Variants in SPTAN1 observed in about 807,000 individuals in gnomAD.
SPTAN1 encodes the protein spectrin alpha chain, non-erythrocytic 1.
SPTAN1 carries 61 observed loss-of-function variants against 331.3 expected under a neutral mutation model. The observed-to-expected ratio is 0.18, with a 90% CI of 0.15 to 0.23. The LOEUF (loss-of-function observed/expected upper bound fraction) is 0.23, where lower values mean the gene tolerates loss of function less well. SPTAN1 is among the 10% of genes least tolerant of loss of function. The probability of loss-of-function intolerance (pLI) is 1.00; values close to 1 mark genes in which losing one functional copy is unlikely to be tolerated. For synonymous variants in SPTAN1, 1,153 were observed against 1,173.9 expected (o/e 0.98, Z 0.36); for missense variants, 2,043 against 3,147.9 (o/e 0.65, Z 8.40).
In SPTAN1 at chr9:128,584,702, G is replaced by A. The variant is rs760955571; in HGVS notation, c.2438-19G>A. On this transcript the variant is annotated intron_variant, in intron 17 of 56. Coordinates refer to ENST00000372739, the MANE Select transcript of SPTAN1 (RefSeq NM_001130438.3). Reference sequence around the variant, plus strand: ...TTCTCTTCATGGTTGGATAACTGGGGACTGGTGTCTGCTTTCAGGTAAGGA... The same window carrying A: ...TTCTCTTCATGGTTGGATAACTGGGAACTGGTGTCTGCTTTCAGGTAAGGA... 6.2e-7 allele frequency: 1 copy of A among 1,614,178 alleles called. No homozygotes were observed. The highest frequency in any genetic ancestry group is 8.5e-7 in the Non-Finnish European group (1 of 1,180,032).
chr9:128,633,237 G>A lies in SPTAN1; in HGVS notation c.7337G>A (p.Cys2446Tyr). 6.2e-7 allele frequency: 1 copy of A among 1,614,054 alleles called. No individual in the cohort carries two copies. The highest frequency in any genetic ancestry group is 8.5e-7 in the Non-Finnish European group (1 of 1,180,028). Residue 2446 changes from cysteine (C) to tyrosine (Y), a missense_variant, in exon 57 of 57, where the codon TGC becomes TAC. Transcript: ENST00000372739. The part of the protein sequence containing the change: ...QNLTREQADY[C>Y]VSHMKPYVDG... The stretch of plus-strand genomic sequence containing the variant: ...CTGACCCGGGAACAAGCCGACTACT[G>A]CGTCTCCCACATGAAGCCCTACGTG...
intron 41 of SPTAN1, among the ~76,000 whole-genome samples, chr9:128,616,628 G>A (rs1857197905): frequency 1.3e-5 from 2 of 151,394 alleles, no homozygotes; most frequent in South Asian, 4.2e-4. Context: ...TTAGCCAGGT[G>A]TGGTAGCAGG....
chr9:128,631,226 G>T (rs574181722), intron 52 of SPTAN1, among the ~76,000 whole-genome samples: 1 of 150,030 alleles, frequency 6.7e-6, no homozygotes, highest in African/African-American at 2.4e-5. Flanking sequence ...GGGAAGCCGA[G>T]GCGGGTGGAT....
intron 1 of SPTAN1, among the ~76,000 whole-genome samples, chr9:128,556,805 CCT>C (rs1273722010): frequency 6.6e-6 from 1 of 152,172 alleles, no homozygotes; most frequent in African/African-American, 2.4e-5. Context: ...GTATTATTGA[CCT>C]CTCTGCTTAC....
chr9:128,563,036 T>C (rs985675052), intron 1 of SPTAN1, among the ~76,000 whole-genome samples: 2 of 141,992 alleles, frequency 1.4e-5, no homozygotes, highest in Non-Finnish European at 3.0e-5. Flanking sequence ...ATGTATATAT[T>C]TTATTACAAA....
intron 5 of SPTAN1, among the ~76,000 whole-genome samples, chr9:128,575,901 A>G (rs1340696155): frequency 6.6e-6 from 1 of 152,198 alleles, no homozygotes; most frequent in East Asian, 1.9e-4. Flanking sequence ...AAAGACATCA[A>G]GTACTCGGAA....
chr9:128,615,518 A>G lies in SPTAN1; in HGVS notation c.5149-114A>G, dbSNP rs181989946. 1.1e-5 allele frequency: 12 copies of G among 1,050,572 alleles called. No homozygotes were observed. In the East Asian group the frequency reaches 3.0e-4, roughly 26 times the overall value. The allele number at this position is 1,050,572 out of a possible 1,614,324, so 65.1% of individuals were successfully genotyped here. A position where few individuals can be genotyped will look rare whatever the true frequency, so the allele number is the denominator to read the frequency against. ...ATAGAATGCCAGAGGTCCACATAAC[A>G]GACTTTGAGAATATCAACACTCCAC... On this transcript the variant is annotated intron_variant, in intron 40 of 56. Coordinates refer to ENST00000372739, the MANE Select transcript of SPTAN1 (RefSeq NM_001130438.3).
intron 41 of SPTAN1, among the ~76,000 whole-genome samples, chr9:128,616,959 T>A (rs1167194512): frequency 7.9e-5 from 12 of 151,880 alleles, no homozygotes; most frequent in Non-Finnish European, 1.5e-4. Context: ...CTTATATAGC[T>A]GGGTGTGGTG....
rs912270263 is a variant in SPTAN1 at position 128,559,061 on chromosome 9, G to A, written c.-4+6365G>A. On this transcript the variant is annotated intron_variant, in intron 1 of 56. Transcript: ENST00000372739. ...TGCACAAATGAAAATTCTGAATGCT[G>A]ACTGCAGTGGGAGCACATTGGTGAC... 2.0e-5 allele frequency among the ~76,000 whole-genome samples: 3 copies of A among 152,086 alleles called. No individual in the cohort carries two copies. In the East Asian group the frequency reaches 5.8e-4, roughly 29 times the overall value.
chr9:128,587,046 C>G (rs1237589185), intron 19 of SPTAN1, among the ~76,000 whole-genome samples: 1 of 152,134 alleles, frequency 6.6e-6, no homozygotes, highest in African/African-American at 2.4e-5. Flanking sequence ...GTCTTGAACT[C>G]CTGACCTCAA....
Position 128,627,584 on chromosome 9 carries a change from G to A in SPTAN1, c.6689+86G>A, listed in dbSNP as rs754705047. ...AGCTTCCAGCCCCAAGGAGGTGGTGGTGCTTTGTGTAAAACCAGAGGCAGC... is the reference window on the plus strand; with the variant it reads ...AGCTTCCAGCCCCAAGGAGGTGGTGATGCTTTGTGTAAAACCAGAGGCAGC... On this transcript the variant is annotated intron_variant, in intron 50 of 56. Transcript: ENST00000372739. The surrounding 1 kb of genome is among the most constrained non-coding windows in gnomAD (Gnocchi z 4.9). 1.8e-5 allele frequency: 23 copies of A among 1,287,314 alleles called. No homozygotes were observed. The highest frequency in any genetic ancestry group is 2.5e-5 in the Non-Finnish European group (23 of 907,216). 79.7% of individuals were successfully genotyped at this position (1,287,314 alleles called of 1,614,324 possible).
In SPTAN1 at chr9:128,587,588, G is replaced by T; in HGVS notation, c.2779-18G>T. On this transcript the variant is annotated intron_variant, in intron 19 of 56. Coordinates refer to ENST00000372739, the MANE Select transcript of SPTAN1 (RefSeq NM_001130438.3). The stretch of plus-strand genomic sequence containing the variant: ...CTTCAGCCCCTGCACAGTGCTCCAT[G>T]TGTGGTTTTGGTTTCAGGCTCTACT... The T allele has an allele frequency of 6.2e-7, 1 of 1,611,860 alleles. No individual in the cohort carries two copies. The highest frequency in any genetic ancestry group is 2.2e-5 in the East Asian group (1 of 44,870).
intron 24 of SPTAN1, chr9:128,596,085 C>G (rs112132867): frequency 0.023 from 3,489 of 152,362 alleles, 133 homozygotes; most frequent in African/African-American, 0.08. Flanking sequence ...CTCAGGCCGT[C>G]TGCCCAGCTT....
At chr9:128,571,359 C>T (rs1009234669) in intron 3 of SPTAN1, among the ~76,000 whole-genome samples, 21 of 150,598 alleles carry the variant, frequency 1.4e-4, no homozygotes, top group Non-Finnish European at 2.9e-5. Flanking sequence ...CTGAGATGGG[C>T]GGATCATCTG....
intron 24 of SPTAN1, among the ~76,000 whole-genome samples, chr9:128,595,216 T>G (rs2131376965): frequency 6.6e-6 from 1 of 152,202 alleles, no homozygotes. Context: ...CTCAAGTGAT[T>G]CTCATGCCTC....
intron 23 of SPTAN1, 105 bp downstream of exon 23, chr9:128,593,147 G>T: frequency 7.8e-7 from 1 of 1,275,314 alleles, no homozygotes; most frequent in South Asian, 1.3e-5. Context: ...GAAAGATGAG[G>T]TGGTGGGAGG....
rs750819513 is a variant in SPTAN1 at position 128,627,937 on chromosome 9, C to T, written c.6702C>T (p.Leu2234=). The T allele has an allele frequency of 6.8e-6, 11 of 1,614,190 alleles. No homozygotes were observed. In the Admixed American group the frequency reaches 8.3e-5, roughly 12 times the overall value. Reference sequence around the variant, plus strand: ...CTGCTCTCCACAGGACATACCTCCTCGATGGGTTAATATTGTTTTCTTCCT... The same window carrying T: ...CTGCTCTCCACAGGACATACCTCCTTGATGGGTTAATATTGTTTTCTTCCT... ...QWIQETRTYL[L]DGSCMVEESG... is the part of the protein sequence containing the mutation. Residue 2234 remains leucine, a synonymous_variant, in exon 51 of 57, where the codon CTC becomes CTT. Coordinates refer to ENST00000372739, the MANE Select transcript of SPTAN1 (RefSeq NM_001130438.3). The surrounding 1 kb of genome is among the most constrained non-coding windows in gnomAD (Gnocchi z 4.9).
Position 128,627,506 on chromosome 9 carries a change from C to A in SPTAN1, c.6689+8C>A. 6.5e-7 allele frequency: 1 copy of A among 1,549,338 alleles called. No homozygotes were observed. The highest frequency in any genetic ancestry group is 8.7e-7 in the Non-Finnish European group (1 of 1,145,540). ...GTGGATCCAAGAGACCAGGTGCCAGCCCGCTGGGGCCGGGGAGCAGCAGCA... is the reference window on the plus strand; with the variant it reads ...GTGGATCCAAGAGACCAGGTGCCAGACCGCTGGGGCCGGGGAGCAGCAGCA... On this transcript the variant is annotated splice_region_variant and intron_variant, in intron 50 of 56. Coordinates refer to ENST00000372739, the MANE Select transcript of SPTAN1 (RefSeq NM_001130438.3). The surrounding 1 kb of genome is among the most constrained non-coding windows in gnomAD (Gnocchi z 4.9).
At chr9:128,588,213 G>A (rs934591005) in intron 20 of SPTAN1, among the ~76,000 whole-genome samples, 1 of 151,596 alleles carries the variant, frequency 6.6e-6, no homozygotes, top group African/African-American at 2.4e-5. Flanking sequence ...GGCCGGGCTG[G>A]TCTTGAATTC....
Sources: gnomAD v4.1 joint callset for allele counts (sites outside exome capture counted in the v4.1 genomes callset) on GRCh38, gnomAD v4.1.1 for gene constraint, Gnocchi (gnomAD v3.1) non-coding constraint, MANE v1.5 for transcripts, NCBI Gene and HGNC (gene_info 2026-07-23, HGNC 2026-07-21) for gene names.